The following MAP7 variants were observed in gnomAD, a reference collection of about 807,000 sequenced individuals.
MAP7 encodes the protein ensconsin.
A neutral mutation model predicts 94.8 loss-of-function variants in MAP7; 52 were observed. The observed-to-expected ratio is 0.55, with a 90% CI of 0.44 to 0.69. The LOEUF (loss-of-function observed/expected upper bound fraction) is 0.69. Ranked by LOEUF, MAP7 falls within the 30% of genes least tolerant of loss-of-function variation. MAP7 has a pLI of 0.00. For synonymous variants in MAP7, 350 were observed against 357.0 expected, an observed-to-expected ratio of 0.98 and a Z score of 0.22; for missense variants, 940 against 964.6, an observed-to-expected ratio of 0.97 and a Z score of 0.34.
rs140898388 is a variant in MAP7 at position 136,429,559 on chromosome 6, C to T, written c.68-7760G>A. On this transcript the variant is annotated intron_variant, in intron 1 of 17. Coordinates refer to ENST00000354570, the MANE Select transcript of MAP7 (RefSeq NM_003980.6). The stretch of plus-strand genomic sequence containing the variant: ...ATCTGTTATGTAGCCAAATAATTAT[C>T]CACCCTAGCTAAACATGAGGAAAAG... Among the ~76,000 whole-genome samples the T allele has an allele frequency of 3.9e-3, 595 of 152,246 alleles. 5 individuals are homozygous for T. Among genetic ancestry groups the T allele is most frequent in the African/African-American group, 0.014 (572 of 41,540 alleles).
At chr6:136,450,960 G>A (rs192244029) in intron 1 of MAP7, among the ~76,000 whole-genome samples, 1 of 152,246 alleles carries the variant, frequency 6.6e-6, no homozygotes, top group Admixed American at 6.5e-5. Context: ...TTGGCATAAG[G>A]ATTATTTTGA....
chr6:136,411,798 T>A (rs750210516), intron 2 of MAP7, 101 bp from the exon 3 acceptor site: 2 of 918,672 alleles, frequency 2.2e-6, no homozygotes, highest in Middle Eastern at 6.7e-4. Flanking sequence ...ATCTGAAGAA[T>A]AATATATTGC....
In MAP7 at chr6:136,349,066, T is replaced by C. The variant is rs533992586; in HGVS notation, c.2016-2987A>G. Among the ~76,000 whole-genome samples the C allele has an allele frequency of 2.0e-5, 3 of 152,276 alleles. No individual in the cohort carries two copies. The South Asian group carries it at 6.2e-4, about 32-fold the overall frequency. ...ATAACTTCCTCTGTTCCCATTCTGA[T>C]ATTCACCCCTGTCCTCCCCGACTTG... On this transcript the variant is annotated intron_variant, in intron 16 of 17. Transcript: ENST00000354570.
intron 3 of MAP7, among the ~76,000 whole-genome samples, chr6:136,394,417 A>G (rs1781713234): frequency 6.6e-6 from 1 of 150,984 alleles, no homozygotes; most frequent in African/African-American, 2.5e-5. Context: ...TTACCTATTG[A>G]TAGGTTTAAT....
chr6:136,361,728 G>A (rs1044748322), intron 11 of MAP7, among the ~76,000 whole-genome samples: 2 of 152,194 alleles, frequency 1.3e-5, no homozygotes, highest in Non-Finnish European at 2.9e-5. Flanking sequence ...AGGCCCAGAA[G>A]ATGACCAATT....
chr6:136,366,590 C>T, intron 8 of MAP7, 151 bp from the exon 9 acceptor site: 1 of 621,616 alleles, frequency 1.6e-6, no homozygotes, highest in South Asian at 1.9e-5. Flanking sequence ...AACAAAAGGC[C>T]CTTGTTAGCT....
chr6:136,532,789 C>T (rs992564575), intron 1 of MAP7, among the ~76,000 whole-genome samples: 1 of 152,174 alleles, frequency 6.6e-6, no homozygotes, highest in Admixed American at 6.5e-5. Flanking sequence ...CATACTTACT[C>T]GCATGGCTTC....
chr6:136,433,961 T>A (rs80248510), intron 1 of MAP7, among the ~76,000 whole-genome samples: 2,538 of 152,286 alleles, frequency 0.017, 27 homozygotes, highest in South Asian at 0.031. Flanking sequence ...GTGCTGATGA[T>A]GTCTGCAGGG....
intron 1 of MAP7, among the ~76,000 whole-genome samples, chr6:136,484,464 T>G (rs1043120246): frequency 3.9e-5 from 6 of 152,204 alleles, no homozygotes; most frequent in African/African-American, 1.4e-4. Flanking sequence ...TGTAGATGTA[T>G]TTATTTAATG....
chr6:136,465,255 C>G (rs566837257), intron 1 of MAP7, among the ~76,000 whole-genome samples: 3 of 152,318 alleles, frequency 2.0e-5, no homozygotes, highest in African/African-American at 7.2e-5. Flanking sequence ...AGCCACTTAT[C>G]TAGGAGTTTT....
intron 1 of MAP7, among the ~76,000 whole-genome samples, chr6:136,498,055 TGA>T (rs1272742176): frequency 3.9e-5 from 6 of 152,084 alleles, no homozygotes; most frequent in Non-Finnish European, 5.9e-5. Context: ...CTGACAAAGG[TGA>T]GAGACTTTAT....
At chr6:136,445,002 T>C (rs1375207748) in intron 1 of MAP7, among the ~76,000 whole-genome samples, 1 of 152,216 alleles carries the variant, frequency 6.6e-6, no homozygotes, top group Non-Finnish European at 1.5e-5. Context: ...ACACCTTTGT[T>C]AGGTCTCTCC....
chr6:136,411,548 G>T (rs1270326181), intron 3 of MAP7, 72 bp downstream of exon 3: 4 of 1,267,478 alleles, frequency 3.2e-6, no homozygotes, highest in African/African-American at 1.5e-5. Context: ...AATTCATAAA[G>T]GTATGCAAAA....
intron 10 of MAP7, chr6:136,364,370 C>A: frequency 2.6e-6 from 1 of 385,444 alleles, no homozygotes; most frequent in South Asian, 2.1e-5. Context: ...CCCCCTCCAC[C>A]AATGCTGTTC....
At chr6:136,442,896 C>G (rs1376507351) in intron 1 of MAP7, among the ~76,000 whole-genome samples, 1 of 152,054 alleles carries the variant, frequency 6.6e-6, no homozygotes, top group Non-Finnish European at 1.5e-5. Flanking sequence ...TCCTCTAGCA[C>G]CTGGTAAAGT....
At chr6:136,538,302 C>T (rs1829040570) in intron 1 of MAP7, among the ~76,000 whole-genome samples, 1 of 152,166 alleles carries the variant, frequency 6.6e-6, no homozygotes, top group Non-Finnish European at 1.5e-5. Context: ...GAAACCCAAA[C>T]TGCCTCCTGC....
chr6:136,362,730 CAGTTGGAAACA>C, intron 10 of MAP7, 28 bp from the exon 11 acceptor site: 3 of 1,524,062 alleles, frequency 2.0e-6, no homozygotes, highest in Non-Finnish European at 2.6e-6. Context: ...AGGAGAAAAC[CAGTTGGAAACA>C]AAATCCAAAG....
chr6:136,516,996 G>C (rs1240567324), intron 1 of MAP7, among the ~76,000 whole-genome samples: 1 of 151,050 alleles, frequency 6.6e-6, no homozygotes, highest in Non-Finnish European at 1.5e-5. Flanking sequence ...AAATCCTTTT[G>C]AATTGGCTTT....
chr6:136,478,887 C>T (rs933148175), intron 1 of MAP7, among the ~76,000 whole-genome samples: 2 of 150,088 alleles, frequency 1.3e-5, no homozygotes, highest in African/African-American at 4.9e-5. Flanking sequence ...TAATGCTAAT[C>T]CTACTCAAAT....
Sources: gnomAD v4.1 joint callset for allele counts (sites outside exome capture counted in the v4.1 genomes callset) on GRCh38, gnomAD v4.1.1 for gene constraint, MANE v1.5 for transcripts, NCBI Gene and HGNC (gene_info 2026-07-23, HGNC 2026-07-21) for gene names.